The following TRPM3 variants were observed in gnomAD, a reference collection of about 807,000 sequenced individuals.
TRPM3 encodes transient receptor potential cation channel subfamily M member 3.
TRPM3 carries 77 observed loss-of-function variants against 181.2 expected under a neutral mutation model. The ratio of observed to expected loss-of-function variants is 0.42; its 90% CI spans 0.35 to 0.51. TRPM3 has a LOEUF of 0.51. Ranked by LOEUF, TRPM3 falls within the 20% of genes least tolerant of loss-of-function variation. TRPM3 has a pLI of 0.01. For missense variants in TRPM3, 1,759 were observed against 2,196.7 expected (o/e 0.80, Z 3.98); for synonymous variants, 745 against 796.4 (o/e 0.94, Z 1.09).
Position 71,062,983 on chromosome 9 carries a change from G to T in TRPM3, c.177+58195C>A, listed in dbSNP as rs118101904. Among the ~76,000 whole-genome samples the T allele has an allele frequency of 4.9e-3, 751 of 152,162 alleles. 18 individuals are homozygous for T. In the East Asian group the frequency reaches 0.078, roughly 16 times the overall value. On this transcript the variant is annotated intron_variant, in intron 1 of 25. Coordinates refer to ENST00000677713, the MANE Select transcript of TRPM3 (RefSeq NM_001366145.2). ...TATTGTGTTATAACAACACAAAAGG[G>T]ACTAAGACACTCTTGCATTCTCAGG...
intron 1 of TRPM3, among the ~76,000 whole-genome samples, chr9:71,368,586 G>C (rs539437609): frequency 6.6e-6 from 1 of 152,042 alleles, no homozygotes; most frequent in Non-Finnish European, 1.5e-5. Context: ...AAAAAAAATT[G>C]AATGAATTTT....
At chr9:71,115,517 T>C (rs188552300) in intron 1 of TRPM3, among the ~76,000 whole-genome samples, 1 of 152,150 alleles carries the variant, frequency 6.6e-6, no homozygotes, top group East Asian at 1.9e-4. Flanking sequence ...GATCTGAAAA[T>C]TAATTTGGAG....
intron 9 of TRPM3, among the ~76,000 whole-genome samples, chr9:70,641,172 A>G (rs1166516684): frequency 6.6e-6 from 1 of 152,190 alleles, no homozygotes; most frequent in South Asian, 2.1e-4. Flanking sequence ...CTGGCTAGGC[A>G]AAGTGTGGTT....
At chr9:71,162,564 A>G (rs934261240) in intron 1 of TRPM3, among the ~76,000 whole-genome samples, 1 of 152,162 alleles carries the variant, frequency 6.6e-6, no homozygotes, top group African/African-American at 2.4e-5. Context: ...GGTCCTCAAA[A>G]CTAAGAGGAT....
intron 22 of TRPM3, among the ~76,000 whole-genome samples, chr9:70,580,309 C>T (rs1044579508): frequency 6.6e-5 from 10 of 152,134 alleles, no homozygotes; most frequent in African/African-American, 2.2e-4. Context: ...CAACAAGATC[C>T]AAATCCCTTA....
At chr9:70,780,042 T>C (rs1212163014) in intron 7 of TRPM3, among the ~76,000 whole-genome samples, 1 of 152,202 alleles carries the variant, frequency 6.6e-6, no homozygotes, top group African/African-American at 2.4e-5. Context: ...TTTTCTATCC[T>C]AAGTAATCTC....
At chr9:71,063,364 C>T (rs78734374) in intron 1 of TRPM3, among the ~76,000 whole-genome samples, 3 of 152,240 alleles carry the variant, frequency 2.0e-5, no homozygotes, top group South Asian at 2.1e-4. Flanking sequence ...AATTCACACA[C>T]GGCACGTGCT....
chr9:71,326,644 G>A (rs866785444), intron 1 of TRPM3, among the ~76,000 whole-genome samples: 5 of 152,264 alleles, frequency 3.3e-5, no homozygotes, highest in East Asian at 3.9e-4. Flanking sequence ...ATATTCACCC[G>A]CATTGATACT....
At chr9:71,006,779 G>A (rs2097678820) in intron 1 of TRPM3, among the ~76,000 whole-genome samples, 1 of 150,654 alleles carries the variant, frequency 6.6e-6, no homozygotes, top group African/African-American at 2.4e-5. Flanking sequence ...GCTGAGGCAG[G>A]AGAATGGCGT....
chr9:71,133,996 TGTGTGTGTGTGTGTGTGTGCGCGTGC>T (rs1202213662), intron 1 of TRPM3, among the ~76,000 whole-genome samples: 15 of 144,052 alleles, frequency 1.0e-4, no homozygotes, highest in South Asian at 4.3e-4. Context: ...TGTGTGTGTG[TGTGTGTGTGTGTGTGTGTGCGCGTGC>T]GCGCGCGCGC....
At chr9:70,681,920 T>C (rs1450973143) in intron 8 of TRPM3, among the ~76,000 whole-genome samples, 1 of 152,136 alleles carries the variant, frequency 6.6e-6, no homozygotes, top group African/African-American at 2.4e-5. Flanking sequence ...GGGAGGTCAT[T>C]AGGTGATGAT....
intron 1 of TRPM3, among the ~76,000 whole-genome samples, chr9:70,930,286 T>A (rs2096762672): frequency 6.6e-6 from 1 of 152,216 alleles, no homozygotes; most frequent in Non-Finnish European, 1.5e-5. Flanking sequence ...TATTTATTAT[T>A]ATCTTTTTCA....
chr9:70,793,530 AACATACATACATATAT>A, intron 6 of TRPM3: 1 of 421,710 alleles, frequency 2.4e-6, no homozygotes, highest in South Asian at 1.9e-5. Context: ...AACACATATA[AACATACATACATATAT>A]ACATACATAT....
chr9:70,844,463 C>A (rs2132038175), intron 4 of TRPM3, among the ~76,000 whole-genome samples: 1 of 151,944 alleles, frequency 6.6e-6, no homozygotes, highest in Non-Finnish European at 1.5e-5. Flanking sequence ...CAAAAACAGA[C>A]CCGAACCAAA....
At chr9:70,948,238 G>A (rs987233210) in intron 1 of TRPM3, among the ~76,000 whole-genome samples, 4 of 148,084 alleles carry the variant, frequency 2.7e-5, no homozygotes, top group Non-Finnish European at 5.9e-5. Context: ...TTCTTCTCCT[G>A]GACTTGAAAG....
chr9:70,640,677 G>T lies in TRPM3; in HGVS notation c.1346-17C>A. The T allele has an allele frequency of 6.2e-7, 1 of 1,602,724 alleles. No homozygotes were observed. The highest frequency in any genetic ancestry group is 8.5e-7 in the Non-Finnish European group (1 of 1,170,698). ...CATTGGCTCCTGTGTGAGGACAAGT[G>T]GGAGAAAAGAGTGGAAGAGAGAAAA... On this transcript the variant is annotated splice_polypyrimidine_tract_variant and intron_variant, in intron 9 of 25. Coordinates refer to ENST00000677713, the MANE Select transcript of TRPM3 (RefSeq NM_001366145.2).
At position 70,531,550 on chromosome 9, in the gene TRPM3, C is replaced by G. The variant is rs7039502; in HGVS notation, c.*4403G>C. The stretch of plus-strand genomic sequence containing the variant: ...TCATTTCAGTCACATTGTTATTGTT[C>G]AAGGATAGTGAGTTATAATGCAATA... On this transcript the variant is annotated 3_prime_UTR_variant, in exon 26 of 26. Coordinates refer to ENST00000677713, the MANE Select transcript of TRPM3 (RefSeq NM_001366145.2). 1 of 152,200 alleles carries G rather than the reference C, an allele frequency of 6.6e-6. No individual in the cohort carries two copies. Among genetic ancestry groups the G allele is most frequent in the Admixed American group, 6.5e-5 (1 of 15,294 alleles). 9.4% of individuals were successfully genotyped at this position (152,200 alleles called of 1,614,324 possible).
At chr9:70,622,895 C>A (rs771635569) in intron 14 of TRPM3, among the ~76,000 whole-genome samples, 5 of 151,952 alleles carry the variant, frequency 3.3e-5, no homozygotes, top group Non-Finnish European at 5.9e-5. Context: ...GACTACTAGG[C>A]TAATATCTAT....
intron 1 of TRPM3, among the ~76,000 whole-genome samples, chr9:71,390,060 T>C (rs760276617): frequency 6.6e-5 from 10 of 152,106 alleles, no homozygotes; most frequent in Non-Finnish European, 1.5e-4. Flanking sequence ...TACACAGTTA[T>C]CTACATTCTC....
Sources: allele counts gnomAD v4.1 joint callset (sites outside exome capture counted in the v4.1 genomes callset), GRCh38; gene constraint gnomAD v4.1.1; transcripts MANE v1.5; gene names NCBI Gene and HGNC (gene_info 2026-07-23, HGNC 2026-07-21).